PHACTR3: variants seen among roughly 807,000 people sequenced by gnomAD.
PHACTR3 encodes the protein protein phosphatase 1, regulatory subunit 123.
In PHACTR3, 16 loss-of-function variants were observed where a neutral mutation model predicts 66.8. The observed-to-expected ratio is 0.24, with a 90% CI of 0.16 to 0.36. PHACTR3 has a LOEUF of 0.36. PHACTR3 is among the 10% of genes least tolerant of loss of function. PHACTR3 has a pLI of 1.00. For synonymous variants in PHACTR3, 323 were observed against 292.1 expected, an observed-to-expected ratio of 1.11 and a Z score of -1.08; for missense variants, 647 against 719.9, an observed-to-expected ratio of 0.90 and a Z score of 1.16.
intron 1 of PHACTR3, among the ~76,000 whole-genome samples, chr20:59,742,134 C>T (rs1407518853): frequency 1.3e-5 from 2 of 152,218 alleles, no homozygotes; most frequent in Non-Finnish European, 2.9e-5. Flanking sequence ...TGTATACCAC[C>T]CCTGTTCGCA....
chr20:59,598,115 T>A (rs568443929), intron 1 of PHACTR3, among the ~76,000 whole-genome samples: 46 of 152,136 alleles, frequency 3.0e-4, no homozygotes, highest in African/African-American at 8.2e-4. Flanking sequence ...CAGGGGCCAG[T>A]GGGGCTGCTT....
At chr20:59,708,866 G>A (rs919978658) in intron 1 of PHACTR3, among the ~76,000 whole-genome samples, 17 of 152,140 alleles carry the variant, frequency 1.1e-4, no homozygotes, top group African/African-American at 3.4e-4. Flanking sequence ...TCAAATGATC[G>A]CTACCCTGAA....
intron 1 of PHACTR3, among the ~76,000 whole-genome samples, chr20:59,618,644 C>T (rs1299938237): frequency 6.6e-6 from 1 of 152,234 alleles, no homozygotes; most frequent in Non-Finnish European, 1.5e-5. Flanking sequence ...TACGTGGTGT[C>T]TGGGCACCCC....
chr20:59,699,640 C>T (rs565892893), intron 1 of PHACTR3, among the ~76,000 whole-genome samples: 121 of 152,238 alleles, frequency 7.9e-4, no homozygotes, highest in African/African-American at 2.6e-3. Context: ...CATGAATACT[C>T]TTATCATCAT....
intron 1 of PHACTR3, among the ~76,000 whole-genome samples, chr20:59,737,058 C>A (rs1478260116): frequency 3.3e-5 from 5 of 152,136 alleles, no homozygotes; most frequent in Non-Finnish European, 5.9e-5. Flanking sequence ...TGGCTCCCTG[C>A]TGAATTCTGA....
At chr20:59,677,183 T>G (rs1168180422) in intron 1 of PHACTR3, among the ~76,000 whole-genome samples, 1 of 152,222 alleles carries the variant, frequency 6.6e-6, no homozygotes, top group Non-Finnish European at 1.5e-5. Context: ...TGATGTGCGT[T>G]TTGACTGCAT....
At chr20:59,801,276 G>T (rs1296992798) in intron 7 of PHACTR3, among the ~76,000 whole-genome samples, 1 of 152,182 alleles carries the variant, frequency 6.6e-6, no homozygotes, top group Non-Finnish European at 1.5e-5. Context: ...TAGCTGGCCA[G>T]TCATGGGCCT....
chr20:59,825,363 T>C (rs1354055579), intron 8 of PHACTR3, among the ~76,000 whole-genome samples: 2 of 152,258 alleles, frequency 1.3e-5, no homozygotes, highest in Non-Finnish European at 2.9e-5. Flanking sequence ...GTCCCATTCA[T>C]GTATCCACTC....
At chr20:59,639,721 G>A (rs2035032958) in intron 1 of PHACTR3, among the ~76,000 whole-genome samples, 1 of 150,140 alleles carries the variant, frequency 6.7e-6, no homozygotes. Context: ...GCTGAGGGAG[G>A]AGGGGAGAAG....
chr20:59,609,163 T>C (rs1265054620), intron 1 of PHACTR3, among the ~76,000 whole-genome samples: 1 of 152,206 alleles, frequency 6.6e-6, no homozygotes, highest in Non-Finnish European at 1.5e-5. Flanking sequence ...GGTCCAGGTC[T>C]GCTTTACTGC....
chr20:59,719,229 G>A (rs550182931), intron 1 of PHACTR3, among the ~76,000 whole-genome samples: 8 of 152,072 alleles, frequency 5.3e-5, no homozygotes, highest in Non-Finnish European at 8.8e-5. Context: ...GCAGTGGTGC[G>A]ATCTCAGCTC....
chr20:59,768,122 G>A (rs1038909482), intron 5 of PHACTR3, among the ~76,000 whole-genome samples: 2 of 152,224 alleles, frequency 1.3e-5, no homozygotes, highest in Non-Finnish European at 2.9e-5. Context: ...CACTTATGTA[G>A]CTTTTGTCAC....
Position 59,772,536 on chromosome 20 carries a change from G to A in PHACTR3, c.752-743G>A, listed in dbSNP as rs547575224. 1.5e-3 allele frequency among the ~76,000 whole-genome samples: 232 copies of A among 152,282 alleles called. 1 individual carries two copies. Among genetic ancestry groups the A allele is most frequent in the African/African-American group, 5.2e-3 (218 of 41,552 alleles). On this transcript the variant is annotated intron_variant, in intron 5 of 12. Transcript: ENST00000371015. ...GGAAATGGTATTCTAGCAGAGGAGC[G>A]GGGAAGCATTTCAGGCAGAAAGAAC...
intron 5 of PHACTR3, among the ~76,000 whole-genome samples, chr20:59,770,763 G>A (rs865832419): frequency 3.3e-5 from 5 of 152,206 alleles, no homozygotes; most frequent in Non-Finnish European, 4.4e-5. Flanking sequence ...AATTGCAGGA[G>A]GTCCTTTGCA....
chr20:59,840,340 T>TC, intron 9 of PHACTR3, 29 bp from the exon 10 acceptor site: 4 of 1,584,972 alleles, frequency 2.5e-6, no homozygotes, highest in Non-Finnish European at 3.4e-6. Flanking sequence ...TCTTTGTTAT[T>TC]TTTTTTTTCC....
At chr20:59,723,645 C>A (rs919014313) in intron 1 of PHACTR3, among the ~76,000 whole-genome samples, 2 of 152,026 alleles carry the variant, frequency 1.3e-5, no homozygotes, top group African/African-American at 4.8e-5. Flanking sequence ...TATGGTGACC[C>A]AGTCTTCGGG....
At chr20:59,832,403 GGT>G (rs1387878884) in intron 8 of PHACTR3, among the ~76,000 whole-genome samples, 2 of 152,256 alleles carry the variant, frequency 1.3e-5, no homozygotes, top group East Asian at 3.9e-4. Context: ...TGGAGTGTGG[GGT>G]GTTTTTGCTC....
In PHACTR3 at chr20:59,820,099, G is replaced by T. The variant is rs541716777; in HGVS notation, c.1328+13905G>T. On this transcript the variant is annotated intron_variant, in intron 8 of 12. Coordinates refer to ENST00000371015, the MANE Select transcript of PHACTR3 (RefSeq NM_080672.5). This position sits in a 1 kb window ranked among gnomAD's most constrained non-coding sequence, Gnocchi z 4.6. ...GGCAAGTGGAGATCAGGTCTGTTCT[G>T]CACAGATGCACCTTCCTGAGCTCTT... Among the ~76,000 whole-genome samples the T allele has an allele frequency of 6.6e-6, 1 of 152,290 alleles. No homozygotes were observed. The highest frequency in any genetic ancestry group is 1.5e-5 in the Non-Finnish European group (1 of 68,018).
At chr20:59,620,786 T>C (rs2034202748) in intron 1 of PHACTR3, among the ~76,000 whole-genome samples, 1 of 152,216 alleles carries the variant, frequency 6.6e-6, no homozygotes, top group Admixed American at 6.5e-5. Context: ...TTTCCCACCC[T>C]GGGAATCCTC....
Sources: allele counts gnomAD v4.1 joint callset (sites outside exome capture counted in the v4.1 genomes callset), GRCh38; gene constraint gnomAD v4.1.1; non-coding constraint Gnocchi (gnomAD v3.1); transcripts MANE v1.5; gene names NCBI Gene and HGNC (gene_info 2026-07-23, HGNC 2026-07-21).